CCSER1: variants seen among roughly 807,000 people sequenced by gnomAD.
CCSER1 encodes coiled-coil serine rich protein 1, also known as serine-rich coiled-coil domain-containing protein 1.
CCSER1 carries 41 observed loss-of-function variants against 82.0 expected under a neutral mutation model. That is an observed-to-expected ratio of 0.50 (90% CI 0.39 to 0.65). CCSER1 has a LOEUF of 0.65. Among genes scored for constraint, CCSER1 ranks in the 30% least tolerant of loss-of-function variants. CCSER1 has a pLI of 0.00. For synonymous variants in CCSER1, 414 were observed against 383.9 expected (o/e 1.08, Z -0.92); for missense variants, 1,119 against 1,064.2 (o/e 1.05, Z -0.72).
At chr4:90,338,143 A>C (rs1234091308) in intron 3 of CCSER1, among the ~76,000 whole-genome samples, 1 of 152,080 alleles carries the variant, frequency 6.6e-6, no homozygotes, top group East Asian at 1.9e-4. Context: ...TAGTTTTGGG[A>C]CTTGCCCCAT....
intron 10 of CCSER1, among the ~76,000 whole-genome samples, chr4:91,148,359 A>G (rs928248150): frequency 2.0e-5 from 3 of 152,196 alleles, no homozygotes; most frequent in Non-Finnish European, 4.4e-5. Flanking sequence ...CTGGAACTCT[A>G]TTAATGAGAC....
intron 6 of CCSER1, among the ~76,000 whole-genome samples, chr4:90,628,509 G>T (rs778332027): frequency 3.2e-4 from 48 of 152,188 alleles, no homozygotes; most frequent in Non-Finnish European, 6.0e-4. Flanking sequence ...AAGGAGAAAT[G>T]AGTATCAGCT....
rs571435771 is a variant in CCSER1 at position 91,243,848 on chromosome 4, A to G, written c.2217+157854A>G. On this transcript the variant is annotated intron_variant, in intron 10 of 10. Transcript: ENST00000509176. The stretch of plus-strand genomic sequence containing the variant: ...TAGCACGTTCCCACCTGTGGGCACT[A>G]TGGTGAAAGACTCCTTCTGTTTAAG... Among the ~76,000 whole-genome samples the G allele has an allele frequency of 2.3e-3, 347 of 152,266 alleles. 2 individuals are homozygous for G. Among genetic ancestry groups the G allele is most frequent in the Non-Finnish European group, 4.3e-3 (292 of 68,002 alleles).
intron 3 of CCSER1, among the ~76,000 whole-genome samples, chr4:90,350,312 T>A (rs1743201715): frequency 1.3e-5 from 2 of 151,924 alleles, no homozygotes; most frequent in Non-Finnish European, 2.9e-5. Context: ...CATGGGAAAA[T>A]TTTTGGAATC....
At chr4:91,018,734 C>G (rs953464111) in intron 9 of CCSER1, among the ~76,000 whole-genome samples, 1 of 151,918 alleles carries the variant, frequency 6.6e-6, no homozygotes, top group African/African-American at 2.4e-5. Context: ...GCTGAACCCC[C>G]TCTGCTTGAT....
At position 91,176,099 on chromosome 4, in the gene CCSER1, G is replaced by T. The variant is rs1733313947; in HGVS notation, c.2217+90105G>T. On this transcript the variant is annotated intron_variant, in intron 10 of 10. Transcript: ENST00000509176. ...GATAGGGAATCCTTTCCCCATTTCT[G>T]ATTTTTGACAGGTTTGTCACAGATC... 1.3e-5 allele frequency among the ~76,000 whole-genome samples: 2 copies of T among 152,134 alleles called. 1 individual carries two copies. The highest frequency in any genetic ancestry group is 4.1e-4 in the South Asian group (2 of 4,830).
intron 9 of CCSER1, among the ~76,000 whole-genome samples, chr4:90,974,024 G>T (rs1221183918): frequency 6.6e-6 from 1 of 151,520 alleles, no homozygotes; most frequent in Non-Finnish European, 1.5e-5. Context: ...TCTCATAAAA[G>T]CAGAAAGTAG....
At chr4:90,555,934 A>G (rs554351810) in intron 5 of CCSER1, among the ~76,000 whole-genome samples, 65 of 152,256 alleles carry the variant, frequency 4.3e-4, no homozygotes, top group African/African-American at 1.6e-3. Flanking sequence ...TTAAATATTC[A>G]AATTTATTTC....
chr4:90,612,541 T>C (rs1173766015), intron 5 of CCSER1, among the ~76,000 whole-genome samples: 1 of 152,164 alleles, frequency 6.6e-6, no homozygotes, highest in Non-Finnish European at 1.5e-5. Context: ...GCAGAGAAAT[T>C]CCACATTAAA....
intron 10 of CCSER1, among the ~76,000 whole-genome samples, chr4:91,133,090 G>A (rs1432456935): frequency 6.6e-6 from 1 of 152,098 alleles, no homozygotes; most frequent in Admixed American, 6.6e-5. Context: ...CTTGAACGTT[G>A]TTTTCCAACT....
intron 5 of CCSER1, among the ~76,000 whole-genome samples, chr4:90,612,057 A>C (rs1187842469): frequency 1.3e-5 from 2 of 151,970 alleles, no homozygotes; most frequent in African/African-American, 2.4e-5. Flanking sequence ...AGACATGCCA[A>C]TAACAAATAT....
chr4:91,180,192 C>T (rs576098063), intron 10 of CCSER1, among the ~76,000 whole-genome samples: 11 of 152,272 alleles, frequency 7.2e-5, no homozygotes, highest in Non-Finnish European at 1.0e-4. Flanking sequence ...GAGGGGCACC[C>T]GGCTGTATGA....
At chr4:91,046,945 T>C (rs1742557852) in intron 9 of CCSER1, among the ~76,000 whole-genome samples, 1 of 152,068 alleles carries the variant, frequency 6.6e-6, no homozygotes, top group African/African-American at 2.4e-5. Flanking sequence ...CTCGATCTCC[T>C]GATCATGTGA....
intron 3 of CCSER1, among the ~76,000 whole-genome samples, chr4:90,392,338 A>T (rs1311821762): frequency 6.6e-6 from 1 of 152,076 alleles, no homozygotes; most frequent in African/African-American, 2.4e-5. Flanking sequence ...ATTGGTTTAA[A>T]TTCATATAAA....
At chr4:90,575,799 T>C (rs1025587292) in intron 5 of CCSER1, among the ~76,000 whole-genome samples, 6 of 152,230 alleles carry the variant, frequency 3.9e-5, no homozygotes, top group African/African-American at 1.4e-4. Flanking sequence ...CAGAAAATAT[T>C]TTTCTTAAGA....
intron 4 of CCSER1, among the ~76,000 whole-genome samples, chr4:90,424,102 A>G (rs1269034596): frequency 6.6e-6 from 1 of 152,010 alleles, no homozygotes; most frequent in Admixed American, 6.6e-5. Flanking sequence ...AAAAAAAAAA[A>G]AAGAAAAATT....
chr4:91,488,770 A>G (rs1560710842), intron 10 of CCSER1, among the ~76,000 whole-genome samples: 2 of 152,182 alleles, frequency 1.3e-5, no homozygotes, highest in African/African-American at 4.8e-5. Flanking sequence ...TTCTTTATAA[A>G]TTACCCATTC....
rs143913169 is a variant in CCSER1, at chr4:91,066,109, G to A, written c.2173-19841G>A. ...AATTGGAATGAGATGTGCTTGAGATGGTATTAGAAATAATTAAGAAGTCAG... is the reference window on the plus strand; with the variant it reads ...AATTGGAATGAGATGTGCTTGAGATAGTATTAGAAATAATTAAGAAGTCAG... On this transcript the variant is annotated intron_variant, in intron 9 of 10. Transcript: ENST00000509176. 2.4e-3 allele frequency among the ~76,000 whole-genome samples: 360 copies of A among 152,196 alleles called. 1 individual carries two copies. The highest frequency in any genetic ancestry group is 7.3e-3 in the African/African-American group (303 of 41,524).
rs189921309 is a variant in CCSER1, at chr4:91,602,409, C to T, written c.*3352C>T. Among the ~76,000 whole-genome samples, 1 of 152,126 alleles carries T rather than the reference C, an allele frequency of 6.6e-6. No homozygotes were observed. The highest frequency in any genetic ancestry group is 1.9e-4 in the East Asian group (1 of 5,184). The stretch of plus-strand genomic sequence containing the variant: ...ATTATTATGATATATTTAAGATTCA[C>T]ATGCCCAGGATAAATGATTACATTC... On this transcript the variant is annotated 3_prime_UTR_variant, in exon 11 of 11. Transcript: ENST00000509176.
Sources: allele counts gnomAD v4.1 joint callset (sites outside exome capture counted in the v4.1 genomes callset), GRCh38; gene constraint gnomAD v4.1.1; transcripts MANE v1.5; gene names NCBI Gene and HGNC (gene_info 2026-07-23, HGNC 2026-07-21).